Variants in RGS17 observed in about 807,000 individuals in gnomAD.
RGS17 encodes regulator of G-protein signaling 17.
In RGS17, 12 loss-of-function variants were observed where a neutral mutation model predicts 25.5. The ratio of observed to expected loss-of-function variants is 0.47; its 90% confidence interval spans 0.30 to 0.76. The LOEUF (loss-of-function observed/expected upper bound fraction) is 0.76. RGS17 is among the 30% of genes least tolerant of loss of function. The probability of loss-of-function intolerance (pLI) is 0.07; values close to 1 mark genes in which losing one functional copy is unlikely to be tolerated. For synonymous variants in RGS17, 71 were observed against 76.9 expected (o/e 0.92, Z 0.40); for missense variants, 196 against 242.2 (o/e 0.81, Z 1.27).
At chr6:153,086,693 T>C (rs1777058565) in intron 1 of RGS17, among the ~76,000 whole-genome samples, 1 of 152,090 alleles carries the variant, frequency 6.6e-6, no homozygotes, top group Admixed American at 6.6e-5. Flanking sequence ...CTCCATCATA[T>C]AGAGGAAGAA....
intron 4 of RGS17, among the ~76,000 whole-genome samples, chr6:153,013,561 T>G (rs924149549): frequency 6.6e-6 from 1 of 152,234 alleles, no homozygotes; most frequent in Non-Finnish European, 1.5e-5. Flanking sequence ...GAGGAAGGCA[T>G]GTCGAAAGCT....
At chr6:153,014,602 T>C (rs930414674) in intron 4 of RGS17, among the ~76,000 whole-genome samples, 1 of 152,046 alleles carries the variant, frequency 6.6e-6, no homozygotes, top group Non-Finnish European at 1.5e-5. Flanking sequence ...ATCGAGACCA[T>C]CCTGGCTAAC....
At chr6:153,112,551 C>G (rs1777487597) in intron 1 of RGS17, among the ~76,000 whole-genome samples, 1 of 152,122 alleles carries the variant, frequency 6.6e-6, no homozygotes, top group Non-Finnish European at 1.5e-5. Flanking sequence ...AGCCAACATT[C>G]CAATTCAGGA....
chr6:153,029,491 C>A (rs770794559), intron 2 of RGS17, among the ~76,000 whole-genome samples: 2 of 151,986 alleles, frequency 1.3e-5, no homozygotes, highest in African/African-American at 4.8e-5. Context: ...TGCTCTAGAC[C>A]AACTTATATA....
intron 2 of RGS17, among the ~76,000 whole-genome samples, chr6:153,032,698 C>T (rs1415604607): frequency 6.6e-6 from 1 of 151,960 alleles, no homozygotes; most frequent in Non-Finnish European, 1.5e-5. Flanking sequence ...AGAGGATAAA[C>T]TTAATCTTGG....
intron 1 of RGS17, among the ~76,000 whole-genome samples, chr6:153,050,863 T>C (rs1776452691): frequency 6.8e-6 from 1 of 147,996 alleles, no homozygotes; most frequent in Admixed American, 6.6e-5. Context: ...GTAATGATAT[T>C]TGGAGATGGG....
chr6:153,070,900 T>C (rs1032202883), intron 1 of RGS17, among the ~76,000 whole-genome samples: 6 of 150,134 alleles, frequency 4.0e-5, no homozygotes, highest in Non-Finnish European at 5.9e-5. Flanking sequence ...TACATATGCG[T>C]ATATGTACAT....
chr6:153,071,015 GTA>G (rs1035218099), intron 1 of RGS17, among the ~76,000 whole-genome samples: 4 of 149,856 alleles, frequency 2.7e-5, no homozygotes, highest in Non-Finnish European at 4.4e-5. Context: ...GTATATGCAC[GTA>G]TGTGTATATG....
At chr6:153,071,114 AAT>A (rs1776795750) in intron 1 of RGS17, among the ~76,000 whole-genome samples, 1 of 149,554 alleles carries the variant, frequency 6.7e-6, no homozygotes, top group Admixed American at 6.7e-5. Flanking sequence ...TATATATCTT[AAT>A]ATATAAGTAC....
At chr6:153,077,893 A>G (rs1394926476) in intron 1 of RGS17, among the ~76,000 whole-genome samples, 1 of 141,734 alleles carries the variant, frequency 7.1e-6, no homozygotes, top group Non-Finnish European at 1.5e-5. Context: ...TTTTTTTTTG[A>G]GACAGAGACT....
intron 2 of RGS17, among the ~76,000 whole-genome samples, chr6:153,041,908 T>C (rs776254425): frequency 6.6e-6 from 1 of 152,248 alleles, no homozygotes; most frequent in Non-Finnish European, 1.5e-5. Flanking sequence ...TCTTATTAAA[T>C]GCTTACTGTG....
In RGS17 at chr6:153,006,028, T is replaced by C. The variant is rs1779070983; in HGVS notation, c.*5546A>G. 1 of 152,216 alleles carries C rather than the reference T, an allele frequency of 6.6e-6. No homozygotes were observed. The highest frequency in any genetic ancestry group is 1.5e-5 in the Non-Finnish European group (1 of 68,036). The allele number at this position is 152,216 out of a possible 1,614,324, so 9.4% of individuals were successfully genotyped here. ...TTTTAAATTTTATACATTTTATTTT[T>C]TTCTTAGAGTCAGGGTCTCACTTTG... On this transcript the variant is annotated 3_prime_UTR_variant, in exon 5 of 5. Transcript: ENST00000206262.
At chr6:153,086,522 C>A (rs982158933) in intron 1 of RGS17, among the ~76,000 whole-genome samples, 1 of 152,194 alleles carries the variant, frequency 6.6e-6, no homozygotes, top group African/African-American at 2.4e-5. Context: ...CTAAGTCCTA[C>A]AATGTTGCTT....
intron 1 of RGS17, among the ~76,000 whole-genome samples, chr6:153,118,708 A>C (rs1468678596): frequency 6.7e-6 from 1 of 150,328 alleles, no homozygotes; most frequent in Non-Finnish European, 1.5e-5. Flanking sequence ...AACTTTTTGG[A>C]AATAGATGAT....
At chr6:153,041,761 T>C (rs1776323223) in intron 2 of RGS17, among the ~76,000 whole-genome samples, 1 of 152,224 alleles carries the variant, frequency 6.6e-6, no homozygotes, top group South Asian at 2.1e-4. Context: ...GAATTTAAAA[T>C]AAAATAGCTT....
At chr6:153,031,015 C>A (rs1050758744) in intron 2 of RGS17, among the ~76,000 whole-genome samples, 1 of 152,074 alleles carries the variant, frequency 6.6e-6, no homozygotes, top group Non-Finnish European at 1.5e-5. Context: ...CAGATGGAGA[C>A]CTGGAAAAAG....
In RGS17 at chr6:153,078,058, G is replaced by A. The variant is rs537234706; in HGVS notation, c.-25-34015C>T. 2.0e-5 allele frequency among the ~76,000 whole-genome samples: 3 copies of A among 152,086 alleles called. No individual in the cohort carries two copies. The South Asian group carries it at 6.2e-4, about 32-fold the overall frequency. On this transcript the variant is annotated intron_variant, in intron 1 of 4. Transcript: ENST00000206262. ...CTGGCTTATTTTTGTATTTTTAGTG[G>A]AGAAGGCGATTCACAATGTGGGCCA...
chr6:153,113,760 T>A (rs896773049), intron 1 of RGS17, among the ~76,000 whole-genome samples: 3 of 152,150 alleles, frequency 2.0e-5, no homozygotes, highest in African/African-American at 7.2e-5. Flanking sequence ...AAATTAGAAC[T>A]CGGGATTAAG....
chr6:153,070,918 CAT>C (rs1380976659), intron 1 of RGS17, among the ~76,000 whole-genome samples: 3 of 149,518 alleles, frequency 2.0e-5, no homozygotes, highest in South Asian at 2.1e-4. Context: ...CATATGTGTA[CAT>C]GTGTATCTGT....
Sources: gnomAD v4.1 joint callset for allele counts (sites outside exome capture counted in the v4.1 genomes callset) on GRCh38, gnomAD v4.1.1 for gene constraint, MANE v1.5 for transcripts, NCBI Gene and HGNC (gene_info 2026-07-23, HGNC 2026-07-21) for gene names.